MAN2A1: variants seen among roughly 807,000 people sequenced by gnomAD.
MAN2A1 encodes alpha-mannosidase 2.
Under a neutral mutation model 142.6 loss-of-function variants are expected in MAN2A1, and 76 were observed. That is an observed-to-expected ratio of 0.53 (90% CI 0.44 to 0.65). MAN2A1 has a LOEUF of 0.65. MAN2A1 is among the 30% of genes least tolerant of loss of function. The probability of loss-of-function intolerance (pLI) is 0.00; values close to 1 mark genes in which losing one functional copy is unlikely to be tolerated. For missense variants in MAN2A1, 1,311 were observed against 1,365.1 expected (o/e 0.96, Z 0.62); for synonymous variants, 559 against 473.2 (o/e 1.18, Z -2.35).
rs1356810721 is a variant in MAN2A1 at position 109,690,163 on chromosome 5, C to G, written c.-255C>G. ...ATCAAGTTTGTGGGGGCCCCCCTTC[C>G]CAGTTGCCGGCGAGTCTCGCCTCGA... is the stretch of plus-strand genomic sequence containing the variant. On this transcript the variant is annotated 5_prime_UTR_variant, in exon 1 of 22. Transcript: ENST00000261483. 1.5e-5 allele frequency: 7 copies of G among 452,346 alleles called. No homozygotes were observed. Among genetic ancestry groups the G allele is most frequent in the Non-Finnish European group, 2.8e-5 (7 of 248,350 alleles). The allele number at this position is 452,346 out of a possible 1,614,324, so 28.0% of individuals were successfully genotyped here.
intron 13 of MAN2A1, 131 bp downstream of exon 13, chr5:109,817,569 C>A: frequency 3.7e-6 from 3 of 816,032 alleles, no homozygotes; most frequent in South Asian, 1.9e-5. Context: ...TTGTAAATAC[C>A]AGAGAGTTTA....
intron 12 of MAN2A1, among the ~76,000 whole-genome samples, chr5:109,810,034 T>A (rs1274466218): frequency 6.6e-6 from 1 of 152,164 alleles, no homozygotes; most frequent in Non-Finnish European, 1.5e-5. Flanking sequence ...TAAATATTTA[T>A]CCTTTTAGAA....
intron 4 of MAN2A1, among the ~76,000 whole-genome samples, chr5:109,747,415 G>C (rs1167439826): frequency 6.6e-6 from 1 of 152,082 alleles, no homozygotes; most frequent in East Asian, 1.9e-4. Flanking sequence ...AGTTTTCTGT[G>C]ATATCGTTTT....
rs573590268 is a variant in MAN2A1, at chr5:109,749,954, A to G, written c.708-5375A>G. Among the ~76,000 whole-genome samples the G allele has an allele frequency of 1.5e-4, 23 of 152,112 alleles. No homozygotes were observed. In the South Asian group the frequency reaches 4.4e-3, roughly 29 times the overall value. The stretch of plus-strand genomic sequence containing the variant: ...GAATGTACAGCTACAATCCATCTTC[A>G]TCTTATTTTTATCATCACTAACAAC... On this transcript the variant is annotated intron_variant, in intron 4 of 21. Transcript: ENST00000261483.
chr5:109,842,238 A>G (rs1755224733), intron 16 of MAN2A1, 90 bp from the exon 17 acceptor site: 1 of 734,780 alleles, frequency 1.4e-6, no homozygotes, highest in African/African-American at 1.9e-5. Flanking sequence ...AAGAAAATGT[A>G]ACTTTGGAAA....
Position 109,736,352 on chromosome 5 carries a change from A to G in MAN2A1, c.707+6839A>G, listed in dbSNP as rs537277000. Among the ~76,000 whole-genome samples, 195 of 152,150 alleles carry G rather than the reference A, an allele frequency of 1.3e-3. 1 individual carries two copies. Among genetic ancestry groups the G allele is most frequent in the African/African-American group, 4.2e-3 (175 of 41,494 alleles). On this transcript the variant is annotated intron_variant, in intron 4 of 21. Transcript: ENST00000261483. Reference sequence around the variant, plus strand: ...TTTGTTTTATAAAGGCAATTTTTTGATTAAGTTTTAAATTTTTTGTCAAGT... The same window carrying G: ...TTTGTTTTATAAAGGCAATTTTTTGGTTAAGTTTTAAATTTTTTGTCAAGT...
chr5:109,794,253 G>T (rs1425330154), intron 12 of MAN2A1: 1 of 152,150 alleles, frequency 6.6e-6, no homozygotes. Flanking sequence ...TCTGGTGAAA[G>T]AGCTGTTAGT....
intron 1 of MAN2A1, among the ~76,000 whole-genome samples, chr5:109,697,600 C>G (rs560825109): frequency 6.6e-6 from 1 of 152,298 alleles, no homozygotes; most frequent in Non-Finnish European, 1.5e-5. Flanking sequence ...CATGACATAG[C>G]CATGGTCATT....
intron 19 of MAN2A1, among the ~76,000 whole-genome samples, chr5:109,848,578 C>T (rs2112765786): frequency 6.6e-6 from 1 of 152,194 alleles, no homozygotes; most frequent in South Asian, 2.1e-4. Context: ...CCCATCTCTC[C>T]TCCTGTTACA....
chr5:109,868,616 G>T lies in MAN2A1; in HGVS notation c.*1618G>T, dbSNP rs755897263. On this transcript the variant is annotated 3_prime_UTR_variant, in exon 22 of 22. Transcript: ENST00000261483. ...TCAAGATGCAGCTCCTAAGATTATT[G>T]TTATGTTAAATTCATAAACTCCTTC... 2.6e-5 allele frequency: 4 copies of T among 151,976 alleles called. No individual in the cohort carries two copies. Among genetic ancestry groups the T allele is most frequent in the African/African-American group, 9.7e-5 (4 of 41,354 alleles). The allele number at this position is 151,976 out of a possible 1,614,324, so 9.4% of individuals were successfully genotyped here.
At chr5:109,703,886 T>C (rs1383434317) in intron 1 of MAN2A1, among the ~76,000 whole-genome samples, 1 of 152,206 alleles carries the variant, frequency 6.6e-6, no homozygotes, top group Non-Finnish European at 1.5e-5. Flanking sequence ...CAACAGGAGG[T>C]AGTTTCTGTG....
intron 5 of MAN2A1, among the ~76,000 whole-genome samples, chr5:109,757,317 AGT>A: frequency 6.6e-6 from 1 of 152,276 alleles, no homozygotes; most frequent in East Asian, 1.9e-4. Flanking sequence ...TTTTTATTGA[AGT>A]GTAATTTACA....
intron 10 of MAN2A1, among the ~76,000 whole-genome samples, chr5:109,785,632 G>C (rs1158280861): frequency 1.3e-5 from 2 of 152,014 alleles, no homozygotes. Flanking sequence ...TTCCTAATAA[G>C]GGGGAAGAAA....
intron 12 of MAN2A1, 31 bp downstream of exon 12, chr5:109,789,558 C>A (rs752776861): frequency 7.0e-6 from 10 of 1,436,792 alleles, no homozygotes; most frequent in East Asian, 2.4e-5. Flanking sequence ...AAATGTTTAC[C>A]ACTTTCTGGC....
At chr5:109,834,444 C>A (rs564812388) in intron 16 of MAN2A1, among the ~76,000 whole-genome samples, 2,088 of 151,190 alleles carry the variant, frequency 0.014, 16 homozygotes, top group Admixed American at 0.015. Flanking sequence ...AAAAAAAAAA[C>A]CAAAAAGCCT....
intron 4 of MAN2A1, among the ~76,000 whole-genome samples, chr5:109,754,825 A>C (rs557047712): frequency 6.6e-6 from 1 of 152,174 alleles, no homozygotes; most frequent in Non-Finnish European, 1.5e-5. Flanking sequence ...AACATGGAGA[A>C]ACCACGTCTC....
intron 4 of MAN2A1, among the ~76,000 whole-genome samples, chr5:109,735,501 T>C (rs1752064271): frequency 6.6e-6 from 1 of 152,202 alleles, no homozygotes; most frequent in African/African-American, 2.4e-5. Flanking sequence ...GATTTTGCAG[T>C]GGCTGGTACC....
At chr5:109,735,318 C>G (rs1225165890) in intron 4 of MAN2A1, among the ~76,000 whole-genome samples, 1 of 152,110 alleles carries the variant, frequency 6.6e-6, no homozygotes, top group African/African-American at 2.4e-5. Flanking sequence ...GGTCTTGACT[C>G]TTTATCCAAT....
intron 12 of MAN2A1, among the ~76,000 whole-genome samples, chr5:109,804,590 G>T (rs1178696245): frequency 6.6e-6 from 1 of 152,026 alleles, no homozygotes; most frequent in African/African-American, 2.4e-5. Context: ...GGTTCATTGG[G>T]TTGTATAGTA....
Sources: allele counts gnomAD v4.1 joint callset (sites outside exome capture counted in the v4.1 genomes callset), GRCh38; gene constraint gnomAD v4.1.1; transcripts MANE v1.5; gene names NCBI Gene and HGNC (gene_info 2026-07-23, HGNC 2026-07-21).